The following SEPTIN9 variants were observed in gnomAD, a reference collection of about 807,000 sequenced individuals.
SEPTIN9 encodes septin 9, also known as septin-9.
A neutral mutation model predicts 56.6 loss-of-function variants in SEPTIN9; 13 were observed. That is an observed-to-expected ratio of 0.23 (90% CI 0.15 to 0.37). The LOEUF (loss-of-function observed/expected upper bound fraction) is 0.37. SEPTIN9 is among the 10% of genes least tolerant of loss of function. The pLI, the probability that SEPTIN9 is intolerant of heterozygous loss-of-function variation, is 1.00. For synonymous variants in SEPTIN9, 332 were observed against 334.1 expected, an observed-to-expected ratio of 0.99 and a Z score of 0.07; for missense variants, 650 against 823.1, an observed-to-expected ratio of 0.79 and a Z score of 2.57.
At chr17:77,350,565 C>G (rs1392620496) in intron 2 of SEPTIN9, among the ~76,000 whole-genome samples, 1 of 152,090 alleles carries the variant, frequency 6.6e-6, no homozygotes, top group Non-Finnish European at 1.5e-5. Context: ...CTCGCTAGAG[C>G]TCTAGATCTG....
At position 77,402,601 on chromosome 17, in the gene SEPTIN9, A is replaced by G. The variant is rs779584313; in HGVS notation, c.619A>G (p.Thr207Ala). 6.0e-5 allele frequency: 97 copies of G among 1,612,494 alleles called. No homozygotes were observed. Among genetic ancestry groups the G allele is most frequent in the Non-Finnish European group, 7.7e-5 (91 of 1,179,552 alleles). ...GCCCACCGCCCCCAGCCCAGCCCAG[A>G]CCTTGGAGAATTCAGAGCCTGCCCC... ...EAPTAPSPAQ[T>A]LENSEPAPVS... Residue 207 changes from threonine to alanine, a missense_variant, in exon 3 of 12, where the codon ACC becomes GCC. Physicochemically the swap from Thr to Ala is moderately conservative, Grantham distance 58. Transcript: ENST00000427177. The surrounding 1 kb of genome is among the most constrained non-coding windows in gnomAD (Gnocchi z 6.6).
intron 2 of SEPTIN9, among the ~76,000 whole-genome samples, chr17:77,385,027 G>A (rs1478417423): frequency 6.6e-6 from 1 of 152,118 alleles, no homozygotes; most frequent in Non-Finnish European, 1.5e-5. Context: ...TTACAGTCAG[G>A]AACAAAGCAA....
rs1246212717 is a variant in SEPTIN9 at position 77,323,128 on chromosome 17, C to T, written c.76+15931C>T. On this transcript the variant is annotated intron_variant, in intron 2 of 11. Transcript: ENST00000427177. The surrounding 1 kb of genome is among the most constrained non-coding windows in gnomAD (Gnocchi z 6.8). ...ACCTGCCCTCTTGTCCCTCCCTCGGCAGTGTCTGGCTCCGGTCTGGTTTGT... is the reference window on the plus strand; with the variant it reads ...ACCTGCCCTCTTGTCCCTCCCTCGGTAGTGTCTGGCTCCGGTCTGGTTTGT... 2.6e-5 allele frequency among the ~76,000 whole-genome samples: 4 copies of T among 152,180 alleles called. No homozygotes were observed. The highest frequency in any genetic ancestry group is 5.9e-5 in the Non-Finnish European group (4 of 68,024).
chr17:77,394,851 G>A (rs968274788), intron 2 of SEPTIN9, among the ~76,000 whole-genome samples: 2 of 152,276 alleles, frequency 1.3e-5, no homozygotes, highest in South Asian at 2.1e-4. Context: ...CTCCTGTTTC[G>A]ACCCCGCCAT....
At chr17:77,459,788 A>C (rs1348120147) in intron 3 of SEPTIN9, among the ~76,000 whole-genome samples, 1 of 151,966 alleles carries the variant, frequency 6.6e-6, no homozygotes, top group Non-Finnish European at 1.5e-5. Context: ...GCTCACTGCA[A>C]CCTCAGCCTC....
At chr17:77,415,972 C>G (rs1362435855) in intron 3 of SEPTIN9, among the ~76,000 whole-genome samples, 4 of 152,230 alleles carry the variant, frequency 2.6e-5, no homozygotes, top group African/African-American at 9.6e-5. Flanking sequence ...GCTCAGGAAT[C>G]AACACAGATA....
intron 3 of SEPTIN9, among the ~76,000 whole-genome samples, chr17:77,448,077 G>A (rs1001376611): frequency 1.3e-5 from 2 of 152,184 alleles, no homozygotes; most frequent in African/African-American, 4.8e-5. Context: ...CTCTAAATGT[G>A]GCTTGTAGAC....
intron 3 of SEPTIN9, chr17:77,466,318 TG>T: frequency 1.1e-6 from 1 of 900,194 alleles, no homozygotes; most frequent in Non-Finnish European, 1.3e-6. Flanking sequence ...CTCAGGAAAG[TG>T]GTCAGGCCCG....
intron 2 of SEPTIN9, chr17:77,375,933 T>TG: frequency 4.8e-6 from 1 of 210,482 alleles, no homozygotes; most frequent in South Asian, 1.7e-4. Flanking sequence ...ATATGGGAGT[T>TG]GGACAACCTT....
intron 1 of SEPTIN9, among the ~76,000 whole-genome samples, chr17:77,301,394 TTGTGTGTGTGTGTGTGTG>T (rs56947697): frequency 5.6e-5 from 8 of 142,518 alleles, no homozygotes; most frequent in African/African-American, 1.6e-4. Context: ...GGGAATAGAT[TTGTGTGTGTGTGTGTGTG>T]TGTGTGTGTG....
Position 77,488,222 on chromosome 17 carries a change from G to A in SEPTIN9, c.1043-18G>A, listed in dbSNP as rs753083015. The A allele has an allele frequency of 9.3e-6, 15 of 1,612,878 alleles. No homozygotes were observed. Among genetic ancestry groups the A allele is most frequent in the South Asian group, 2.2e-5 (2 of 91,070 alleles). On this transcript the variant is annotated intron_variant, in intron 5 of 11. Coordinates refer to ENST00000427177, the MANE Select transcript of SEPTIN9 (RefSeq NM_001113491.2). Reference sequence around the variant, plus strand: ...TCTTCCGTCTCCCCTCTGACTCTGCGTCCGTGGCTCTGTGCAGATATTGAG... The same window carrying A: ...TCTTCCGTCTCCCCTCTGACTCTGCATCCGTGGCTCTGTGCAGATATTGAG...
intron 2 of SEPTIN9, among the ~76,000 whole-genome samples, chr17:77,383,476 C>T (rs988023858): frequency 1.2e-5 from 1 of 84,120 alleles, no homozygotes; most frequent in East Asian, 7.4e-4. Flanking sequence ...ATCCATCACT[C>T]CCCCACTGTG....
chr17:77,358,141 C>A (rs1016399909), intron 2 of SEPTIN9, among the ~76,000 whole-genome samples: 1 of 152,178 alleles, frequency 6.6e-6, no homozygotes, highest in African/African-American at 2.4e-5. Context: ...AGTCCCACTA[C>A]CCAGTGAATG....
rs540762416 is a variant in SEPTIN9 at position 77,458,023 on chromosome 17, G to A, written c.722-24121G>A. Among the ~76,000 whole-genome samples, 10 of 152,350 alleles carry A rather than the reference G, an allele frequency of 6.6e-5. No homozygotes were observed. In the South Asian group the frequency reaches 2.1e-3, roughly 32 times the overall value. On this transcript the variant is annotated intron_variant, in intron 3 of 11. Coordinates refer to ENST00000427177, the MANE Select transcript of SEPTIN9 (RefSeq NM_001113491.2). ...ACAGGCTTCCTGGACTCACCCTGAA[G>A]GGGGGCTGGATTTTCTGCCTGTCCC...
intron 5 of SEPTIN9, 56 bp from the exon 6 acceptor site, chr17:77,488,184 G>A: frequency 2.6e-6 from 4 of 1,538,818 alleles, no homozygotes; most frequent in Non-Finnish European, 3.6e-6. Context: ...CAGGTGTGGG[G>A]TGTCTGTGAG....
At chr17:77,461,340 C>G (rs2038463940) in intron 3 of SEPTIN9, among the ~76,000 whole-genome samples, 1 of 152,012 alleles carries the variant, frequency 6.6e-6, no homozygotes, top group Non-Finnish European at 1.5e-5. Flanking sequence ...AAATAAAAAT[C>G]CATGGGGGGA....
chr17:77,359,010 T>C (rs2034337392), intron 2 of SEPTIN9, among the ~76,000 whole-genome samples: 1 of 152,136 alleles, frequency 6.6e-6, no homozygotes, highest in Non-Finnish European at 1.5e-5. Flanking sequence ...TGAGCTGAGA[T>C]GGTTCCAGCT....
chr17:77,337,472 GT>G (rs2033593246), intron 2 of SEPTIN9, among the ~76,000 whole-genome samples: 1 of 152,092 alleles, frequency 6.6e-6, no homozygotes, highest in Non-Finnish European at 1.5e-5. Flanking sequence ...TTGTTTGTTA[GT>G]TTGTTTCGGT....
In SEPTIN9 at chr17:77,433,002, C is replaced by T. The variant is rs958119248; in HGVS notation, c.721+30299C>T. Reference sequence around the variant, plus strand: ...CTCTTGGAGTCAGAGAATCCCCTGTCGCCGTGGCGGGGCTGTTCCCTCCTG... The same window carrying T: ...CTCTTGGAGTCAGAGAATCCCCTGTTGCCGTGGCGGGGCTGTTCCCTCCTG... On this transcript the variant is annotated intron_variant, in intron 3 of 11. Coordinates refer to ENST00000427177, the MANE Select transcript of SEPTIN9 (RefSeq NM_001113491.2). This position sits in a 1 kb window ranked among gnomAD's most constrained non-coding sequence, Gnocchi z 6.4. 3.9e-5 allele frequency among the ~76,000 whole-genome samples: 6 copies of T among 152,288 alleles called. No individual in the cohort carries two copies. In the East Asian group the frequency reaches 7.7e-4, roughly 20 times the overall value.
Sources: allele counts gnomAD v4.1 joint callset (sites outside exome capture counted in the v4.1 genomes callset), GRCh38; gene constraint gnomAD v4.1.1; non-coding constraint Gnocchi (gnomAD v3.1); transcripts MANE v1.5; gene names NCBI Gene and HGNC (gene_info 2026-07-23, HGNC 2026-07-21).